Variants in MCU observed in about 807,000 individuals in gnomAD.
MCU encodes the protein calcium uniporter protein, mitochondrial.
MCU carries 12 observed loss-of-function variants against 45.2 expected under a neutral mutation model. The ratio of observed to expected loss-of-function variants is 0.27; its 90% confidence interval spans 0.17 to 0.43. The LOEUF (loss-of-function observed/expected upper bound fraction) is 0.43. Among genes scored for constraint, MCU ranks in the 20% least tolerant of loss-of-function variants. The probability of loss-of-function intolerance (pLI) is 1.00; values close to 1 mark genes in which losing one functional copy is unlikely to be tolerated. For missense variants in MCU, 324 were observed against 436.7 expected, an observed-to-expected ratio of 0.74 and a Z score of 2.30; for synonymous variants, 160 against 165.1, an observed-to-expected ratio of 0.97 and a Z score of 0.24.
chr10:72,733,463 A>G (rs924554403), intron 1 of MCU, among the ~76,000 whole-genome samples: 1 of 152,064 alleles, frequency 6.6e-6, no homozygotes, highest in African/African-American at 2.4e-5. Context: ...TCTCAAAAAC[A>G]ACAACAACAA....
intron 2 of MCU, among the ~76,000 whole-genome samples, chr10:72,850,672 T>C (rs1297006645): frequency 6.6e-6 from 1 of 152,256 alleles, no homozygotes. Context: ...TGCACTACTC[T>C]TCTTAGTCTG....
intron 1 of MCU, among the ~76,000 whole-genome samples, chr10:72,820,955 A>G (rs1365813837): frequency 2.6e-5 from 4 of 151,934 alleles, no homozygotes; most frequent in African/African-American, 7.3e-5. Context: ...ACTAGACTCC[A>G]GAGAATAATC....
chr10:72,858,415 G>C (rs1437070023), intron 2 of MCU, among the ~76,000 whole-genome samples: 1 of 152,152 alleles, frequency 6.6e-6, no homozygotes, highest in Non-Finnish European at 1.5e-5. Context: ...TCCACGGTCG[G>C]TGGCCTCTTG....
intron 1 of MCU, among the ~76,000 whole-genome samples, chr10:72,750,238 G>A (rs1843475136): frequency 6.6e-6 from 1 of 152,172 alleles, no homozygotes; most frequent in Non-Finnish European, 1.5e-5. Context: ...GAGAGATTAA[G>A]AGGGAAAAGG....
intron 1 of MCU, among the ~76,000 whole-genome samples, chr10:72,787,486 C>G (rs1004637623): frequency 6.6e-6 from 1 of 151,998 alleles, no homozygotes; most frequent in African/African-American, 2.4e-5. Context: ...CCAGGCTGGT[C>G]TTGAACTCCT....
rs1022040359 is a variant in MCU, at chr10:72,837,860, T to G, written c.220+3432T>G. 4.7e-5 allele frequency among the ~76,000 whole-genome samples: 7 copies of G among 148,428 alleles called. No individual in the cohort carries two copies. In the South Asian group the frequency reaches 6.3e-4, roughly 13 times the overall value. ...GAAAGGAGATGCCCAATACTGGTTTTTTTTTTTTTTTTTTTGAGACCGAGT... is the reference window on the plus strand; with the variant it reads ...GAAAGGAGATGCCCAATACTGGTTTGTTTTTTTTTTTTTTTGAGACCGAGT... On this transcript the variant is annotated intron_variant, in intron 2 of 7. Transcript: ENST00000373053.
chr10:72,698,824 G>A (rs1842720879), intron 1 of MCU, among the ~76,000 whole-genome samples: 1 of 151,602 alleles, frequency 6.6e-6, no homozygotes, highest in Admixed American at 6.6e-5. Flanking sequence ...TTTTTTTTGA[G>A]ACGAGGTCTT....
At position 72,868,566 on chromosome 10, in the gene MCU, AAGAG is replaced by A. The variant is rs1845493346; in HGVS notation, c.497-134_497-131del. 7 of 716,990 alleles carry A rather than the reference AAGAG, an allele frequency of 9.8e-6. No homozygotes were observed. The Admixed American group carries it at 2.1e-4, about 22-fold the overall frequency. 44.4% of individuals were successfully genotyped at this position (716,990 alleles called of 1,614,324 possible). A position where few individuals can be genotyped will look rare whatever the true frequency, so the allele number is the denominator to read the frequency against. The stretch of plus-strand genomic sequence containing the variant: ...GACTTTGTCTCAAAAAAAAAAAAAA[AAGAG>A]AGCTATTACTTTCCTTCAGTTTAAC... On this transcript the variant is annotated intron_variant, in intron 4 of 7. Transcript: ENST00000373053.
intron 1 of MCU, among the ~76,000 whole-genome samples, chr10:72,733,282 C>A (rs1843203850): frequency 6.6e-6 from 1 of 152,108 alleles, no homozygotes; most frequent in African/African-American, 2.4e-5. Flanking sequence ...CATGGTGAAA[C>A]CCCATCTCTA....
chr10:72,741,347 C>T (rs1392943017), intron 1 of MCU, among the ~76,000 whole-genome samples: 4 of 152,138 alleles, frequency 2.6e-5, no homozygotes, highest in Admixed American at 6.5e-5. Flanking sequence ...GTGATCCGCC[C>T]GCCTTGGCCT....
At chr10:72,741,980 A>C (rs1391941713) in intron 1 of MCU, among the ~76,000 whole-genome samples, 1 of 145,490 alleles carries the variant, frequency 6.9e-6, no homozygotes, top group African/African-American at 2.6e-5. Flanking sequence ...GTGAGCCGAG[A>C]TCACTGCCCT....
intron 1 of MCU, among the ~76,000 whole-genome samples, chr10:72,735,227 C>T (rs1843237051): frequency 6.6e-6 from 1 of 151,548 alleles, no homozygotes; most frequent in South Asian, 2.1e-4. Context: ...CTGGAACTGG[C>T]AATGAAAATA....
At chr10:72,716,584 T>G (rs1436120512) in intron 1 of MCU, among the ~76,000 whole-genome samples, 3 of 152,126 alleles carry the variant, frequency 2.0e-5, no homozygotes, top group Admixed American at 6.6e-5. Flanking sequence ...TATTATTGGA[T>G]TCTCTAAAGG....
intron 1 of MCU, among the ~76,000 whole-genome samples, chr10:72,785,041 C>T (rs1349581455): frequency 6.6e-6 from 1 of 152,118 alleles, no homozygotes; most frequent in Non-Finnish European, 1.5e-5. Context: ...ACAGGGATTG[C>T]TCTTCTTTTC....
At chr10:72,696,148 C>T (rs1269675914) in intron 1 of MCU, among the ~76,000 whole-genome samples, 25 of 113,916 alleles carry the variant, frequency 2.2e-4, no homozygotes, top group African/African-American at 7.5e-4. Context: ...GGCGAAAGAG[C>T]GAAACTCCGA....
intron 1 of MCU, among the ~76,000 whole-genome samples, chr10:72,750,772 T>G (rs1843482665): frequency 6.6e-6 from 1 of 152,222 alleles, no homozygotes; most frequent in South Asian, 2.1e-4. Flanking sequence ...GTGCTGCCCA[T>G]TTGAATTCAG....
chr10:72,698,011 C>T (rs992560307), intron 1 of MCU, among the ~76,000 whole-genome samples: 1 of 151,694 alleles, frequency 6.6e-6, no homozygotes. Context: ...TAACTCCTGG[C>T]TTCAATAGAT....
At chr10:72,694,427 T>C (rs1156382040) in intron 1 of MCU, among the ~76,000 whole-genome samples, 1 of 152,262 alleles carries the variant, frequency 6.6e-6, no homozygotes, top group Non-Finnish European at 1.5e-5. Flanking sequence ...CTTTTCATTG[T>C]AAAGTGCAAA....
intron 1 of MCU, among the ~76,000 whole-genome samples, chr10:72,717,008 G>A (rs1434269643): frequency 6.6e-6 from 1 of 152,086 alleles, no homozygotes; most frequent in Non-Finnish European, 1.5e-5. Context: ...AAATCAGAGG[G>A]TAGGTCTCCT....
Sources: gnomAD v4.1 joint callset for allele counts (sites outside exome capture counted in the v4.1 genomes callset) on GRCh38, gnomAD v4.1.1 for gene constraint, MANE v1.5 for transcripts, NCBI Gene and HGNC (gene_info 2026-07-23, HGNC 2026-07-21) for gene names.